ADAMTS19: variants seen among roughly 807,000 people sequenced by gnomAD.
ADAMTS19 encodes A disintegrin and metalloproteinase with thrombospondin motifs 19.
ADAMTS19 carries 93 observed loss-of-function variants against 153.3 expected under a neutral mutation model. The ratio of observed to expected loss-of-function variants is 0.61; its 90% confidence interval spans 0.51 to 0.72. The LOEUF is 0.72. Ranked by LOEUF, ADAMTS19 falls within the 30% of genes least tolerant of loss-of-function variation. ADAMTS19 has a pLI of 0.00. For synonymous variants in ADAMTS19, 600 were observed against 556.6 expected, an observed-to-expected ratio of 1.08 and a Z score of -1.10; for missense variants, 1,482 against 1,552.1, an observed-to-expected ratio of 0.95 and a Z score of 0.76.
At chr5:129,675,773 AC>A (rs1365118344) in intron 16 of ADAMTS19, among the ~76,000 whole-genome samples, 1 of 152,114 alleles carries the variant, frequency 6.6e-6, no homozygotes, top group African/African-American at 2.4e-5. Flanking sequence ...AGTGGCTCAC[AC>A]CTGTAATCCC....
At chr5:129,486,949 A>T (rs907087500) in intron 2 of ADAMTS19, among the ~76,000 whole-genome samples, 11 of 152,270 alleles carry the variant, frequency 7.2e-5, no homozygotes, top group Admixed American at 5.2e-4. Flanking sequence ...ATAACCACTG[A>T]GTGTGCATGC....
chr5:129,515,289 A>G lies in ADAMTS19; in HGVS notation c.913+6047A>G, dbSNP rs1231820508. On this transcript the variant is annotated intron_variant, in intron 3 of 22. Transcript: ENST00000274487. ...CTGTTTGGGGTCTTTTAGTGATTCC[A>G]TATAAGTTTTAGGACTGTTTTTTTT... Among the ~76,000 whole-genome samples, 4 of 151,202 alleles carry G rather than the reference A, an allele frequency of 2.6e-5. No individual in the cohort carries two copies. The East Asian group carries it at 7.8e-4, about 29-fold the overall frequency.
At chr5:129,716,380 GTA>G (rs1398624146) in intron 21 of ADAMTS19, among the ~76,000 whole-genome samples, 1 of 151,828 alleles carries the variant, frequency 6.6e-6, no homozygotes, top group Non-Finnish European at 1.5e-5. Flanking sequence ...TGTACTTTTA[GTA>G]GAGATGGGGT....
intron 19 of ADAMTS19, 99 bp from the exon 20 acceptor site, chr5:129,701,289 C>G: frequency 1.5e-6 from 2 of 1,367,752 alleles, no homozygotes; most frequent in Non-Finnish European, 2.0e-6. Flanking sequence ...GTAAATTGCC[C>G]AGTCTTGGGT....
chr5:129,702,913 G>T (rs1334974876), intron 20 of ADAMTS19, among the ~76,000 whole-genome samples: 2 of 76,440 alleles, frequency 2.6e-5, no homozygotes, highest in African/African-American at 1.0e-4. Context: ...TATGAATCAG[G>T]CATAGTTTGA....
chr5:129,522,328 CACACATATATATATATATATATATATAT>C (rs1453781788), intron 3 of ADAMTS19, among the ~76,000 whole-genome samples: 4,259 of 88,184 alleles, frequency 0.048, 127 homozygotes, highest in South Asian at 0.11. Flanking sequence ...CACACACACA[CACACATATATATATATATATATATATAT>C]ATATATATAT....
intron 2 of ADAMTS19, among the ~76,000 whole-genome samples, chr5:129,499,537 T>C (rs1048383454): frequency 7.9e-5 from 12 of 152,104 alleles, no homozygotes; most frequent in African/African-American, 2.7e-4. Context: ...AAGGAAAAGA[T>C]AGAAAAGGCC....
intron 21 of ADAMTS19, among the ~76,000 whole-genome samples, chr5:129,707,824 C>T (rs1426132261): frequency 6.6e-6 from 1 of 152,078 alleles, no homozygotes; most frequent in Non-Finnish European, 1.5e-5. Context: ...TTACTTTAAT[C>T]AGGAATATTA....
At chr5:129,536,412 A>G (rs1443752464) in intron 6 of ADAMTS19, among the ~76,000 whole-genome samples, 1 of 152,198 alleles carries the variant, frequency 6.6e-6, no homozygotes, top group Non-Finnish European at 1.5e-5. Context: ...TTAGGAAACA[A>G]CAGGTGCTGG....
intron 2 of ADAMTS19, among the ~76,000 whole-genome samples, chr5:129,462,619 G>GT (rs1392005841): frequency 2.0e-5 from 3 of 151,136 alleles, no homozygotes; most frequent in African/African-American, 4.9e-5. Flanking sequence ...GTGTGTGTGG[G>GT]GGGGTCAAAT....
intron 21 of ADAMTS19, among the ~76,000 whole-genome samples, chr5:129,714,425 CAAA>C (rs397949658): frequency 1.0e-5 from 1 of 98,236 alleles, no homozygotes; most frequent in Non-Finnish European, 1.9e-5. Flanking sequence ...GACTCCGTCT[CAAA>C]AAAAAAAAAA....
chr5:129,521,580 G>T (rs1280003438), intron 3 of ADAMTS19, among the ~76,000 whole-genome samples: 2 of 152,072 alleles, frequency 1.3e-5, no homozygotes, highest in African/African-American at 2.4e-5. Context: ...TGACCCCAAA[G>T]AATTGGTTTA....
chr5:129,548,183 A>G (rs1187984772), intron 6 of ADAMTS19, among the ~76,000 whole-genome samples: 1 of 150,486 alleles, frequency 6.6e-6, no homozygotes, highest in Non-Finnish European at 1.5e-5. Flanking sequence ...ATGGGATCTA[A>G]TTAAACTAAA....
At chr5:129,478,403 T>C (rs1750295897) in intron 2 of ADAMTS19, among the ~76,000 whole-genome samples, 2 of 152,304 alleles carry the variant, frequency 1.3e-5, no homozygotes, top group East Asian at 3.9e-4. Flanking sequence ...AAAACATATA[T>C]GAAATAATTA....
intron 15 of ADAMTS19, among the ~76,000 whole-genome samples, chr5:129,661,917 T>C (rs904056677): frequency 2.0e-5 from 3 of 152,184 alleles, no homozygotes; most frequent in African/African-American, 7.2e-5. Context: ...TTTTCTATTT[T>C]AGGAAATAGT....
intron 21 of ADAMTS19, among the ~76,000 whole-genome samples, chr5:129,709,974 T>A (rs77075362): frequency 8.5e-5 from 13 of 152,094 alleles, no homozygotes; most frequent in African/African-American, 1.9e-4. Flanking sequence ...TTTTTTTTTT[T>A]AATTTAATTT....
At chr5:129,590,498 T>C (rs1440193747) in intron 7 of ADAMTS19, among the ~76,000 whole-genome samples, 3 of 152,194 alleles carry the variant, frequency 2.0e-5, no homozygotes, top group African/African-American at 7.2e-5. Flanking sequence ...CTCCTTTCTC[T>C]TTCTAGATCA....
chr5:129,546,438 A>G (rs1383486973), intron 6 of ADAMTS19, among the ~76,000 whole-genome samples: 1 of 150,872 alleles, frequency 6.6e-6, no homozygotes. Context: ...CAGTACCTTG[A>G]CCCATCTTCG....
At chr5:129,585,527 C>G (rs1363355961) in intron 7 of ADAMTS19, among the ~76,000 whole-genome samples, 1 of 151,728 alleles carries the variant, frequency 6.6e-6, no homozygotes, top group Non-Finnish European at 1.5e-5. Context: ...GTACTATATC[C>G]CTACTACATA....
Sources: gnomAD v4.1 joint callset for allele counts (sites outside exome capture counted in the v4.1 genomes callset) on GRCh38, gnomAD v4.1.1 for gene constraint, MANE v1.5 for transcripts, NCBI Gene and HGNC (gene_info 2026-07-23, HGNC 2026-07-21) for gene names.